OTOGL: variants seen among roughly 807,000 people sequenced by gnomAD.
OTOGL encodes the protein otogelin-like protein.
In OTOGL, 285 loss-of-function variants were observed where a neutral mutation model predicts 318.5. That is an observed-to-expected ratio of 0.89 (90% CI 0.81 to 0.99). OTOGL has a LOEUF of 0.99. OTOGL is among the 50% of genes least tolerant of loss of function. The pLI is 0.00. For missense variants in OTOGL, 2,899 were observed against 2,845.6 expected, an observed-to-expected ratio of 1.02 and a Z score of -0.43; for synonymous variants, 987 against 936.5, an observed-to-expected ratio of 1.05 and a Z score of -0.99.
At position 80,250,154 on chromosome 12, in the gene OTOGL, C is replaced by T. The variant is rs547667706; in HGVS notation, c.1053-1539C>T. The stretch of plus-strand genomic sequence containing the variant: ...GTCGCTCACGCTGGGAGCTGTAGAC[C>T]GGAGCTGTTCCTATTCGGCCATCTT... On this transcript the variant is annotated intron_variant, in intron 11 of 58. Transcript: ENST00000547103. Among the ~76,000 whole-genome samples the T allele has an allele frequency of 3.9e-5, 6 of 152,222 alleles. No individual in the cohort carries two copies. In the East Asian group the frequency reaches 7.7e-4, roughly 20 times the overall value.
rs1338250774 is a variant in OTOGL, at chr12:80,228,735, C to T, written c.490-522C>T. On this transcript the variant is annotated intron_variant, in intron 7 of 58. Coordinates refer to ENST00000547103, the MANE Select transcript of OTOGL (RefSeq NM_001378609.3). ...CTTCCTTTCATTCTTTTTTTTTAAA[C>T]TAATTTTCCTATTAATTTTTTGAAA... is the stretch of plus-strand genomic sequence containing the variant. Among the ~76,000 whole-genome samples the T allele has an allele frequency of 2.6e-5, 4 of 151,130 alleles. No homozygotes were observed. The East Asian group carries it at 7.8e-4, about 29-fold the overall frequency.
chr12:80,326,455 A>T (rs757703609), intron 35 of OTOGL, among the ~76,000 whole-genome samples: 6 of 152,214 alleles, frequency 3.9e-5, no homozygotes, highest in African/African-American at 9.7e-5. Flanking sequence ...GATGATAAAG[A>T]CATTTTAAGG....
Position 80,341,965 on chromosome 12 carries a change from C to T in OTOGL, c.5068C>T (p.Pro1690Ser), listed in dbSNP as rs796143263. 7 of 1,604,324 alleles carry T rather than the reference C, an allele frequency of 4.4e-6. No homozygotes were observed. The African/African-American group carries it at 9.4e-5, about 21-fold the overall frequency. ...EGLCGICNED[P>S]DDDLRMQNGT... The stretch of plus-strand genomic sequence containing the variant: ...CTTTCAAGGAATTTGCAATGAAGAT[C>T]CGGATGATGATCTAAGGATGCAAAA... The change falls in exon 44 of 59, where the codon CCG becomes TCG. Residue 1690 changes from proline to serine, a missense_variant. Physicochemically the swap from Pro to Ser is moderately conservative, Grantham distance 74. This residue lies in a region of OTOGL where 2,607 missense variants were observed against 2,524.9 expected (regional missense o/e 1.03). Coordinates refer to ENST00000547103, the MANE Select transcript of OTOGL (RefSeq NM_001378609.3).
chr12:80,221,542 T>G (rs1878339434), intron 6 of OTOGL, among the ~76,000 whole-genome samples: 2 of 152,120 alleles, frequency 1.3e-5, no homozygotes, highest in African/African-American at 4.8e-5. Flanking sequence ...TTGCTAGGAT[T>G]ACAGGTACAA....
intron 28 of OTOGL, among the ~76,000 whole-genome samples, 174 bp downstream of exon 28, chr12:80,302,957 G>T (rs1050213740): frequency 4.6e-5 from 7 of 152,244 alleles, no homozygotes; most frequent in Admixed American, 1.3e-4. Context: ...CAGTGTTTGT[G>T]TACAGTTCTT....
At chr12:80,175,502 G>A (rs138528293) in intron 1 of OTOGL, among the ~76,000 whole-genome samples, 3 of 152,288 alleles carry the variant, frequency 2.0e-5, no homozygotes, top group Non-Finnish European at 4.4e-5. Context: ...TGCAGATAAA[G>A]ACTCTTAGAT....
At chr12:80,219,784 A>G (rs745492522) in intron 5 of OTOGL, 30 bp from the exon 6 acceptor site, 2 of 1,346,938 alleles carry the variant, frequency 1.5e-6, no homozygotes, top group Non-Finnish European at 2.1e-6. Context: ...GGATGCCAGA[A>G]GATAACTTTT....
chr12:80,101,786 G>T (rs553514579), intron 1 of OTOGL, among the ~76,000 whole-genome samples: 1 of 152,232 alleles, frequency 6.6e-6, no homozygotes, highest in East Asian at 1.9e-4. Context: ...TTGAGATTGG[G>T]ATCTGTTTAC....
intron 1 of OTOGL, among the ~76,000 whole-genome samples, chr12:80,146,362 A>G (rs1872357804): frequency 1.3e-5 from 2 of 148,898 alleles, no homozygotes; most frequent in Non-Finnish European, 2.9e-5. Flanking sequence ...GATTACATTT[A>G]TTGATTTGCG....
intron 1 of OTOGL, among the ~76,000 whole-genome samples, chr12:80,137,525 A>T (rs1871654346): frequency 6.6e-6 from 1 of 152,194 alleles, no homozygotes; most frequent in Admixed American, 6.5e-5. Flanking sequence ...TGGATGTTTT[A>T]TCATTTTTCT....
At chr12:80,336,201 T>A in intron 39 of OTOGL, 61 bp downstream of exon 39, 1 of 1,463,824 alleles carries the variant, frequency 6.8e-7, no homozygotes, top group Non-Finnish European at 9.0e-7. Flanking sequence ...GAGAGATTGT[T>A]ACTTTTTTGA....
intron 1 of OTOGL, among the ~76,000 whole-genome samples, chr12:80,142,918 C>A (rs1164595559): frequency 1.3e-5 from 2 of 152,018 alleles, no homozygotes; most frequent in African/African-American, 4.8e-5. Context: ...GGGAACTGGA[C>A]TCATTTTGAT....
At chr12:80,123,874 T>C (rs1398036523) in intron 1 of OTOGL, among the ~76,000 whole-genome samples, 5 of 152,222 alleles carry the variant, frequency 3.3e-5, no homozygotes, top group Non-Finnish European at 7.3e-5. Context: ...CGCCCACTTT[T>C]TGATGGGGTT....
intron 1 of OTOGL, among the ~76,000 whole-genome samples, chr12:80,131,345 T>A (rs1871227607): frequency 6.6e-6 from 1 of 152,194 alleles, no homozygotes; most frequent in Non-Finnish European, 1.5e-5. Flanking sequence ...ACCAAGAGTA[T>A]ACATGCTGGA....
intron 27 of OTOGL, 102 bp from the exon 28 acceptor site, chr12:80,302,532 A>G: frequency 2.7e-6 from 2 of 734,456 alleles, no homozygotes; most frequent in Non-Finnish European, 3.8e-6. Flanking sequence ...CAACAATATT[A>G]GTACATAAAT....
intron 44 of OTOGL, among the ~76,000 whole-genome samples, chr12:80,348,072 G>A (rs376917807): frequency 6.6e-6 from 1 of 152,090 alleles, no homozygotes; most frequent in East Asian, 1.9e-4. Flanking sequence ...TCTATAGGTT[G>A]CCTGTTCACT....
chr12:80,350,077 C>T (rs1442067780), intron 44 of OTOGL, among the ~76,000 whole-genome samples: 2 of 152,150 alleles, frequency 1.3e-5, no homozygotes, highest in Non-Finnish European at 2.9e-5. Flanking sequence ...TCACTTCAGT[C>T]CCTGGTAACC....
rs1379589217 is a variant in OTOGL at position 80,194,415 on chromosome 12, C to A, written c.-19-14998C>A. Among the ~76,000 whole-genome samples the A allele has an allele frequency of 2.0e-5, 3 of 152,262 alleles. No individual in the cohort carries two copies. The East Asian group carries it at 5.8e-4, about 29-fold the overall frequency. On this transcript the variant is annotated intron_variant, in intron 1 of 58. Transcript: ENST00000547103. The stretch of plus-strand genomic sequence containing the variant: ...GAAACTCCCTAGCCCATCAATGAAG[C>A]AAGACCTTCTAATTGCAAATTTAAA...
intron 30 of OTOGL, among the ~76,000 whole-genome samples, chr12:80,312,657 A>T (rs1421537142): frequency 6.6e-6 from 1 of 152,160 alleles, no homozygotes; most frequent in Non-Finnish European, 1.5e-5. Context: ...GTTTCCAAGG[A>T]CCACACCTGC....
Sources: allele counts gnomAD v4.1 joint callset (sites outside exome capture counted in the v4.1 genomes callset), GRCh38; gene constraint gnomAD v4.1.1; regional missense constraint gnomAD v4.1.1; transcripts MANE v1.5; gene names NCBI Gene and HGNC (gene_info 2026-07-23, HGNC 2026-07-21).